NFYC: variants seen among roughly 807,000 people sequenced by gnomAD.
The protein encoded by NFYC is CAAT box DNA-binding protein subunit C.
Under a neutral mutation model 53.1 loss-of-function variants are expected in NFYC, and 25 were observed. That is an observed-to-expected ratio of 0.47 (90% CI 0.34 to 0.66). The LOEUF is 0.66. NFYC is among the 30% of genes least tolerant of loss of function. The probability of loss-of-function intolerance (pLI) is 0.01; values close to 1 mark genes in which losing one functional copy is unlikely to be tolerated. For missense variants in NFYC, 260 were observed against 422.7 expected (o/e 0.62, Z 3.38); for synonymous variants, 145 against 152.6 (o/e 0.95, Z 0.37).
chr1:40,735,473 G>A (rs778529769), intron 1 of NFYC: 2 of 454,710 alleles, frequency 4.4e-6, no homozygotes, highest in Non-Finnish European at 5.8e-6. Flanking sequence ...AGTTGGGACA[G>A]TTCAAAATTT....
At chr1:40,715,031 C>A in intron 1 of NFYC, among the ~76,000 whole-genome samples, 1 of 151,860 alleles carries the variant, frequency 6.6e-6, no homozygotes, top group Non-Finnish European at 1.5e-5. Context: ...AGTGAGCCGA[C>A]ATGGCGCCAC....
intron 8 of NFYC, 71 bp downstream of exon 8, chr1:40,766,774 C>G: frequency 6.6e-7 from 1 of 1,522,466 alleles, no homozygotes; most frequent in East Asian, 2.3e-5. Flanking sequence ...GAAAGGAGCG[C>G]TCAGCACACA....
intron 1 of NFYC, among the ~76,000 whole-genome samples, chr1:40,738,102 CTGTTTT>C (rs1425418847): frequency 6.6e-6 from 1 of 152,010 alleles, no homozygotes; most frequent in Admixed American, 6.5e-5. Flanking sequence ...CGGGGTTTCA[CTGTTTT>C]AGCCAGGATG....
intron 2 of NFYC, 78 bp downstream of exon 2, chr1:40,739,026 C>T: frequency 1.0e-6 from 1 of 996,560 alleles, no homozygotes; most frequent in Non-Finnish European, 1.5e-6. Context: ...AAAACTCAGA[C>T]TAAAGCATTT....
At chr1:40,722,665 G>A (rs552024435) in intron 1 of NFYC, among the ~76,000 whole-genome samples, 1 of 152,338 alleles carries the variant, frequency 6.6e-6, no homozygotes, top group Non-Finnish European at 1.5e-5. Flanking sequence ...TTTACCATTT[G>A]TGTGTTTCAG....
At chr1:40,694,270 T>G (rs1228379606) in intron 1 of NFYC, among the ~76,000 whole-genome samples, 8 of 152,244 alleles carry the variant, frequency 5.3e-5, no homozygotes, top group Non-Finnish European at 1.2e-4. Context: ...ATATTGATTC[T>G]AGGATATGCT....
chr1:40,743,562 T>C (rs1645460284), intron 2 of NFYC, among the ~76,000 whole-genome samples: 1 of 152,258 alleles, frequency 6.6e-6, no homozygotes, highest in South Asian at 2.1e-4. Flanking sequence ...TTAACTGTAA[T>C]TGAGTGCCTA....
intron 1 of NFYC, among the ~76,000 whole-genome samples, chr1:40,714,782 T>TA (rs1056587446): frequency 1.3e-5 from 2 of 151,640 alleles, no homozygotes; most frequent in African/African-American, 4.8e-5. Flanking sequence ...CCTGGCTAAT[T>TA]AAAAAAAAAT....
intron 6 of NFYC, among the ~76,000 whole-genome samples, chr1:40,760,565 A>G (rs1379946465): frequency 6.6e-6 from 1 of 152,064 alleles, no homozygotes; most frequent in Non-Finnish European, 1.5e-5. Context: ...CTAAAAATAC[A>G]AAAATTAGCC....
At chr1:40,724,631 C>T (rs555925159) in intron 1 of NFYC, among the ~76,000 whole-genome samples, 2 of 152,262 alleles carry the variant, frequency 1.3e-5, no homozygotes, top group Non-Finnish European at 2.9e-5. Flanking sequence ...TGTTACATAT[C>T]GTTTTCTATT....
At chr1:40,703,196 T>G (rs1643527329) in intron 1 of NFYC, among the ~76,000 whole-genome samples, 1 of 152,092 alleles carries the variant, frequency 6.6e-6, no homozygotes, top group Non-Finnish European at 1.5e-5. Context: ...CTTTTACTTC[T>G]TAAAGAATCT....
intron 1 of NFYC, among the ~76,000 whole-genome samples, chr1:40,693,284 G>A (rs1642941362): frequency 6.6e-6 from 1 of 152,124 alleles, no homozygotes; most frequent in South Asian, 2.1e-4. Flanking sequence ...CAACTTGTTG[G>A]GAATATGTTC....
chr1:40,743,132 G>A (rs1190640035), intron 2 of NFYC, among the ~76,000 whole-genome samples: 2 of 152,244 alleles, frequency 1.3e-5, no homozygotes, highest in African/African-American at 4.8e-5. Context: ...AAGTTTGCTA[G>A]ATGATATATT....
intron 8 of NFYC, chr1:40,766,987 A>T: frequency 6.4e-7 from 1 of 1,551,448 alleles, no homozygotes; most frequent in Non-Finnish European, 8.7e-7. Flanking sequence ...GTGCACACCC[A>T]TCAGACCTGG....
At chr1:40,731,689 T>C (rs1041672679) in intron 1 of NFYC, among the ~76,000 whole-genome samples, 1 of 151,814 alleles carries the variant, frequency 6.6e-6, no homozygotes, top group African/African-American at 2.4e-5. Flanking sequence ...TTTCACCATG[T>C]TGGCCAGGAT....
intron 2 of NFYC, among the ~76,000 whole-genome samples, chr1:40,741,494 A>G (rs926959248): frequency 6.6e-6 from 1 of 152,058 alleles, no homozygotes; most frequent in African/African-American, 2.4e-5. Context: ...ATGTAACCCC[A>G]TTGTAAGTAG....
chr1:40,709,201 A>G (rs929873797), intron 1 of NFYC, among the ~76,000 whole-genome samples: 1 of 152,208 alleles, frequency 6.6e-6, no homozygotes, highest in Non-Finnish European at 1.5e-5. Flanking sequence ...CAGGAAGTGT[A>G]CAAAAGAGGT....
At position 40,691,751 on chromosome 1, in the gene NFYC, C is replaced by G; in HGVS notation, c.-125C>G. 2.2e-6 allele frequency: 1 copy of G among 455,638 alleles called. No individual in the cohort carries two copies. Among genetic ancestry groups the G allele is most frequent in the South Asian group, 1.6e-5 (1 of 64,432 alleles). The allele number at this position is 455,638 out of a possible 1,614,324, so 28.2% of individuals were successfully genotyped here. The stretch of plus-strand genomic sequence containing the variant: ...TGCTTGTGCCCCCGCTTCGCGCGCG[C>G]TCCGTTCTCCGTGACGCACACTTCC... On this transcript the variant is annotated 5_prime_UTR_variant, in exon 1 of 10. Coordinates refer to ENST00000447388, the MANE Select transcript of NFYC (RefSeq NM_014223.5).
chr1:40,732,185 TTG>T (rs1365274721), intron 1 of NFYC, among the ~76,000 whole-genome samples: 1 of 152,212 alleles, frequency 6.6e-6, no homozygotes, highest in African/African-American at 2.4e-5. Flanking sequence ...AAGAGCTGTA[TTG>T]TGGGTTTAGG....
Sources: gnomAD v4.1 joint callset for allele counts (sites outside exome capture counted in the v4.1 genomes callset) on GRCh38, gnomAD v4.1.1 for gene constraint, MANE v1.5 for transcripts, NCBI Gene and HGNC (gene_info 2026-07-23, HGNC 2026-07-21) for gene names.